The following VPS33A variants were observed in gnomAD, a reference collection of about 807,000 sequenced individuals.
VPS33A encodes vacuolar protein sorting-associated protein 33A.
Under a neutral mutation model 71.8 loss-of-function variants are expected in VPS33A, and 32 were observed. The ratio of observed to expected loss-of-function variants is 0.45; its 90% CI spans 0.34 to 0.60. The LOEUF (loss-of-function observed/expected upper bound fraction) is 0.60, where lower values mean the gene tolerates loss of function less well. Ranked by LOEUF, VPS33A falls within the 20% of genes least tolerant of loss-of-function variation. The probability of loss-of-function intolerance (pLI) is 0.02; values close to 1 mark genes in which losing one functional copy is unlikely to be tolerated. For missense variants in VPS33A, 625 were observed against 748.5 expected, an observed-to-expected ratio of 0.84 and a Z score of 1.92; for synonymous variants, 311 against 292.7, an observed-to-expected ratio of 1.06 and a Z score of -0.64.
intron 4 of VPS33A, among the ~76,000 whole-genome samples, chr12:122,260,890 C>A (rs1954984177): frequency 6.6e-6 from 1 of 152,106 alleles, no homozygotes; most frequent in Non-Finnish European, 1.5e-5. Flanking sequence ...CAGAAGAATC[C>A]CTTGAACCCA....
At chr12:122,242,155 G>A (rs534013545) in intron 8 of VPS33A, among the ~76,000 whole-genome samples, 13 of 152,122 alleles carry the variant, frequency 8.5e-5, no homozygotes, top group Middle Eastern at 3.4e-3. Flanking sequence ...TGATCTGCCC[G>A]TCTTGGCCTC....
chr12:122,249,760 C>T (rs938463111), intron 6 of VPS33A, 111 bp downstream of exon 6: 6 of 1,081,234 alleles, frequency 5.5e-6, no homozygotes, highest in East Asian at 5.1e-5. Flanking sequence ...TCATTAAAAT[C>T]GGATCTCTGA....
intron 4 of VPS33A, 39 bp from the exon 5 acceptor site, chr12:122,251,138 G>GCC: frequency 7.0e-7 from 1 of 1,429,596 alleles, no homozygotes; most frequent in Non-Finnish European, 9.8e-7. Context: ...GGCCATGGGG[G>GCC]CCTCCCAGGG....
At chr12:122,245,506 C>G (rs1386037888) in intron 6 of VPS33A, among the ~76,000 whole-genome samples, 1 of 150,474 alleles carries the variant, frequency 6.6e-6, no homozygotes, top group Admixed American at 6.6e-5. Flanking sequence ...TGCAATGGCA[C>G]GATCTCGGCT....
rs34996966 is a variant in VPS33A at position 122,249,880 on chromosome 12, T to G, written c.766A>C (p.Ile256Leu). Residue 256 changes from isoleucine (I) to leucine (L), a missense_variant, in exon 6 of 13, where the codon ATT (isoleucine) becomes CTT (leucine). Coordinates refer to ENST00000267199, the MANE Select transcript of VPS33A (RefSeq NM_022916.6). ...YEGLIDEIYG[I>L]QNSYVKLPPE... is the part of the protein sequence containing the mutation. ...GATGTCATGTACTTACTGTTCTGAA[T>G]GCCATAAATTTCATCAATGAGTCCT... is the stretch of plus-strand genomic sequence containing the variant. 15,625 of 1,613,242 alleles carry G rather than the reference T, an allele frequency of 9.7e-3. 1,241 individuals carry two copies. In the African/African-American group the frequency reaches 0.18, roughly 19 times the overall value.
rs1954755344 is a variant in VPS33A, at chr12:122,244,714, T to C, written c.824A>G (p.Asp275Gly). The C allele has an allele frequency of 6.2e-7, 1 of 1,613,992 alleles. No individual in the cohort carries two copies. The highest frequency in any genetic ancestry group is 1.3e-5 in the African/African-American group (1 of 74,938). ...PEKFAPKKQG[D>G]GGKDLPTEAK... ...TTCCGTGGGGAGGTCCTTACCACCA[T>C]CGCCCTGTTTCTTAGGTGCAAATTT... Residue 275 changes from aspartate to glycine, a missense_variant, in exon 7 of 13, where the codon GAT becomes GGT. By Grantham distance (94) the Asp-to-Gly change is moderately conservative (BLOSUM62 -1). Coordinates refer to ENST00000267199, the MANE Select transcript of VPS33A (RefSeq NM_022916.6).
In VPS33A at chr12:122,254,217, A is replaced by T. The variant is rs79613122; in HGVS notation, c.484-3118T>A. Among the ~76,000 whole-genome samples, 317 of 152,280 alleles carry T rather than the reference A, an allele frequency of 2.1e-3. 5 individuals carry two copies. The East Asian group carries it at 0.043, about 21-fold the overall frequency. On this transcript the variant is annotated intron_variant, in intron 4 of 12. Coordinates refer to ENST00000267199, the MANE Select transcript of VPS33A (RefSeq NM_022916.6). ...TAGATGGTCACAACTGTAACTCAAA[A>T]CACAGAGAGATCTAGATGTACCTCC...
intron 4 of VPS33A, among the ~76,000 whole-genome samples, chr12:122,255,290 G>C (rs777445528): frequency 1.3e-5 from 2 of 152,148 alleles, no homozygotes; most frequent in Non-Finnish European, 2.9e-5. Flanking sequence ...GGATAGACAG[G>C]TGTTCACTGT....
chr12:122,242,709 T>C (rs1566041888), intron 7 of VPS33A, among the ~76,000 whole-genome samples: 1 of 152,082 alleles, frequency 6.6e-6, no homozygotes, highest in African/African-American at 2.4e-5. Context: ...CCCACCACCA[T>C]GCCCAAACTA....
intron 2 of VPS33A, 84 bp downstream of exon 2, chr12:122,264,050 T>C (rs1955034288): frequency 8.1e-7 from 1 of 1,233,040 alleles, no homozygotes; most frequent in Non-Finnish European, 1.1e-6. Context: ...AAACCAATGA[T>C]TCAGGAAGAA....
chr12:122,256,562 A>G (rs2136145541), intron 4 of VPS33A, among the ~76,000 whole-genome samples: 1 of 152,116 alleles, frequency 6.6e-6, no homozygotes, highest in African/African-American at 2.4e-5. Context: ...TGACTGAGTG[A>G]GAATCTGTCT....
chr12:122,239,662 C>T lies in VPS33A; in HGVS notation c.1164+216G>A, dbSNP rs557169658. On this transcript the variant is annotated intron_variant, in intron 9 of 12. Transcript: ENST00000267199. Reference sequence around the variant, plus strand: ...GGCAGAATGGCGTCAACCCGGGAGGCGGAGCTTGCAGTGAGCAGAGATGGC... The same window carrying T: ...GGCAGAATGGCGTCAACCCGGGAGGTGGAGCTTGCAGTGAGCAGAGATGGC... 1.2e-3 allele frequency among the ~76,000 whole-genome samples: 169 copies of T among 139,254 alleles called. 2 individuals carry two copies. In the South Asian group the frequency reaches 0.02, roughly 16 times the overall value. 91.4% of individuals were successfully genotyped at this position (139,254 alleles called of 152,430 possible).
At chr12:122,260,796 G>A (rs1444060536) in intron 4 of VPS33A, among the ~76,000 whole-genome samples, 3 of 152,066 alleles carry the variant, frequency 2.0e-5, no homozygotes, top group African/African-American at 7.2e-5. Context: ...GCAACATGGT[G>A]AAACCTTGTC....
In VPS33A at chr12:122,263,621, CA is replaced by C. The variant is rs756221452; in HGVS notation, c.246del (p.Phe82LeufsTer6). ...TCCATCAACTCTAGCCTGGGTCTGACAAAAAAAATTATATTCTTCACATCAG... is the reference window on the plus strand; with the variant it reads ...TCCATCAACTCTAGCCTGGGTCTGACAAAAAAATTATATTCTTCACATCAG... Reference protein sequence around the residue: ...PAADVKNIIFFVRPRLELMDI... With the variant: ...PAADVKNIIFXVRPRLELMDI... On this transcript the variant is annotated frameshift_variant, in exon 3 of 13. Transcript: ENST00000267199. LOFTEE classifies it high-confidence loss of function. 20 of 1,611,518 alleles carry C rather than the reference CA, an allele frequency of 1.2e-5. No individual in the cohort carries two copies. Among genetic ancestry groups the C allele is most frequent in the South Asian group, 3.3e-5 (3 of 90,814 alleles).
intron 4 of VPS33A, 118 bp from the exon 5 acceptor site, chr12:122,251,217 G>A (rs1954839891): frequency 1.4e-6 from 1 of 711,552 alleles, no homozygotes; most frequent in Non-Finnish European, 2.3e-6. Context: ...ATTTCACACT[G>A]TGCCAGGAAA....
At chr12:122,262,345 T>C (rs952899816) in intron 3 of VPS33A, among the ~76,000 whole-genome samples, 1 of 152,196 alleles carries the variant, frequency 6.6e-6, no homozygotes, top group Non-Finnish European at 1.5e-5. Context: ...AGCTCTCAGG[T>C]TGATTGAAAT....
intron 5 of VPS33A, 140 bp downstream of exon 5, chr12:122,250,843 A>T: frequency 2.9e-6 from 2 of 680,050 alleles, no homozygotes; most frequent in East Asian, 2.6e-5. Context: ...AGTGCATTTT[A>T]ATCAGTAGGC....
At chr12:122,253,043 C>A (rs1436832025) in intron 4 of VPS33A, 1 of 152,002 alleles carries the variant, frequency 6.6e-6, no homozygotes, top group South Asian at 2.1e-4. Flanking sequence ...GAAGAGAGAG[C>A]GGGGTTGTCA....
At chr12:122,235,741 C>A in intron 11 of VPS33A, 45 bp downstream of exon 11, 2 of 1,565,546 alleles carry the variant, frequency 1.3e-6, no homozygotes, top group Non-Finnish European at 1.7e-6. Flanking sequence ...CCTGGACGAT[C>A]TAACCAGTCC....
Sources: gnomAD v4.1 joint callset for allele counts (sites outside exome capture counted in the v4.1 genomes callset) on GRCh38, gnomAD v4.1.1 for gene constraint, MANE v1.5 for transcripts, NCBI Gene and HGNC (gene_info 2026-07-23, HGNC 2026-07-21) for gene names.